The following TENM3 variants were observed in gnomAD, a reference collection of about 807,000 sequenced individuals.
TENM3 encodes teneurin-3.
A neutral mutation model predicts 255.1 loss-of-function variants in TENM3; 63 were observed. The observed-to-expected ratio is 0.25, with a 90% CI of 0.20 to 0.30. The LOEUF (loss-of-function observed/expected upper bound fraction) is 0.30, where lower values mean the gene tolerates loss of function less well. TENM3 is among the 10% of genes least tolerant of loss of function. The probability of loss-of-function intolerance (pLI) is 1.00; values close to 1 mark genes in which losing one functional copy is unlikely to be tolerated. For synonymous variants in TENM3, 1,306 were observed against 1,322.3 expected (o/e 0.99, Z 0.27); for missense variants, 2,929 against 3,461.1 (o/e 0.85, Z 3.86).
the TENM3 span, among the ~76,000 whole-genome samples, chr4:181,744,872 G>A: frequency 6.6e-6 from 1 of 152,342 alleles, no homozygotes; most frequent in African/African-American, 2.4e-5. Context: ...AAGACTAGGA[G>A]AACAAGTGGG....
intron 19 of TENM3, chr4:182,744,237 T>G (rs1761841759): frequency 5.8e-6 from 5 of 864,542 alleles, no homozygotes; most frequent in African/African-American, 1.8e-5. Context: ...CCTCTGAAAT[T>G]GTTTTCTAAG....
the TENM3 span, among the ~76,000 whole-genome samples, chr4:181,779,320 T>C: frequency 1.3e-5 from 2 of 151,684 alleles, no homozygotes; most frequent in African/African-American, 2.4e-5. Context: ...GGGCCAAGAA[T>C]AAACCCAGAC....
At chr4:182,702,861 C>T (rs1757993225) in intron 12 of TENM3, among the ~76,000 whole-genome samples, 1 of 152,076 alleles carries the variant, frequency 6.6e-6, no homozygotes, top group Admixed American at 6.5e-5. Flanking sequence ...CTCAGCCTCC[C>T]ACATAGCTGG....
chr4:182,263,849 A>G (rs1759048469), intron 1 of TENM3, among the ~76,000 whole-genome samples: 1 of 152,198 alleles, frequency 6.6e-6, no homozygotes. Context: ...GGGCAAATTT[A>G]AGCTTTGCCA....
chr4:182,765,707 A>G (rs1763660004), intron 22 of TENM3, among the ~76,000 whole-genome samples: 1 of 151,920 alleles, frequency 6.6e-6, no homozygotes, highest in East Asian at 1.9e-4. Flanking sequence ...TGTGTCGCTT[A>G]CTCCTAACTG....
At chr4:181,700,688 C>T in the TENM3 span, among the ~76,000 whole-genome samples, 13 of 152,124 alleles carry the variant, frequency 8.5e-5, no homozygotes, top group African/African-American at 2.9e-4. Context: ...TCTTTGGTCA[C>T]ACAAAATATA....
intron 3 of TENM3, among the ~76,000 whole-genome samples, chr4:182,564,759 C>G (rs1418888079): frequency 1.3e-5 from 2 of 152,150 alleles, no homozygotes; most frequent in African/African-American, 4.8e-5. Context: ...TGTCCTCCAT[C>G]TGGTAGTTGA....
At chr4:182,594,047 T>G (rs1746937687) in intron 3 of TENM3, among the ~76,000 whole-genome samples, 1 of 152,164 alleles carries the variant, frequency 6.6e-6, no homozygotes, top group Non-Finnish European at 1.5e-5. Context: ...GGCATGATCC[T>G]GTGGCCATAC....
rs141469901 is a variant in TENM3, at chr4:182,395,343, TAA to T, written c.511+48415_511+48416del. On this transcript the variant is annotated intron_variant, in intron 3 of 27. Coordinates refer to ENST00000511685, the MANE Select transcript of TENM3 (RefSeq NM_001080477.4). The stretch of plus-strand genomic sequence containing the variant: ...CAGTGTTTATGACCACAAAATTATA[TAA>T]GAGTCAATTTTAAGAATCAAAATGC... Among the ~76,000 whole-genome samples the T allele has an allele frequency of 5.0e-3, 762 of 152,258 alleles. 7 individuals are homozygous for T. The highest frequency in any genetic ancestry group is 0.016 in the African/African-American group (658 of 41,556).
At chr4:182,351,545 G>C (rs1765182133) in intron 3 of TENM3, among the ~76,000 whole-genome samples, 1 of 152,138 alleles carries the variant, frequency 6.6e-6, no homozygotes, top group South Asian at 2.1e-4. Flanking sequence ...AGTTCTGGAG[G>C]GGCGGAGCTC....
intron 22 of TENM3, among the ~76,000 whole-genome samples, chr4:182,771,216 A>G (rs1359314550): frequency 1.3e-5 from 2 of 152,228 alleles, no homozygotes; most frequent in African/African-American, 4.8e-5. Context: ...CTACAGGAGA[A>G]AGGTGAAGTT....
intron 3 of TENM3, among the ~76,000 whole-genome samples, chr4:182,437,058 T>G (rs1398070861): frequency 6.6e-6 from 1 of 151,210 alleles, no homozygotes. Context: ...ACCAGTGCTA[T>G]TCTCATGAAG....
chr4:182,102,011 C>T, the TENM3 span, among the ~76,000 whole-genome samples: 39 of 152,288 alleles, frequency 2.6e-4, no homozygotes, highest in Middle Eastern at 6.8e-3. Flanking sequence ...CTCAGAGAGC[C>T]GGGGCTGAGG....
chr4:182,536,935 T>C (rs531979121), intron 3 of TENM3, among the ~76,000 whole-genome samples: 1 of 152,250 alleles, frequency 6.6e-6, no homozygotes, highest in Non-Finnish European at 1.5e-5. Context: ...TTCCCTTGTT[T>C]GCTTTTTATG....
chr4:181,458,062 G>A, the TENM3 span, among the ~76,000 whole-genome samples: 1 of 151,926 alleles, frequency 6.6e-6, no homozygotes, highest in Non-Finnish European at 1.5e-5. Flanking sequence ...ACTGTAAGAT[G>A]TCCTAAAGTA....
At chr4:181,859,340 A>G in the TENM3 span, among the ~76,000 whole-genome samples, 7 of 147,722 alleles carry the variant, frequency 4.7e-5, no homozygotes, top group Admixed American at 4.9e-4. Context: ...TCCTTTCTTT[A>G]TATAGCATTT....
chr4:182,315,052 T>C (rs533345490), intron 1 of TENM3, among the ~76,000 whole-genome samples: 2 of 152,336 alleles, frequency 1.3e-5, no homozygotes, highest in South Asian at 4.1e-4. Context: ...TGTAATAGTG[T>C]ACTTCTGCAT....
intron 3 of TENM3, among the ~76,000 whole-genome samples, chr4:182,502,972 A>G (rs1377302700): frequency 8.5e-5 from 7 of 82,684 alleles, no homozygotes; most frequent in African/African-American, 3.5e-4. Flanking sequence ...AATGTCCTTT[A>G]TCTGAAACTG....
the TENM3 span, among the ~76,000 whole-genome samples, chr4:181,648,227 T>C: frequency 6.6e-6 from 1 of 152,114 alleles, no homozygotes; most frequent in East Asian, 1.9e-4. Flanking sequence ...GTTTTACAAG[T>C]TTCTAATTCA....
Sources: gnomAD v4.1 joint callset for allele counts (sites outside exome capture counted in the v4.1 genomes callset) on GRCh38, gnomAD v4.1.1 for gene constraint, MANE v1.5 for transcripts, NCBI Gene and HGNC (gene_info 2026-07-23, HGNC 2026-07-21) for gene names.